Variants in UBE4B observed in about 807,000 individuals in gnomAD.
The protein encoded by UBE4B is ubiquitin conjugation factor E4 B.
A neutral mutation model predicts 148.1 loss-of-function variants in UBE4B; 27 were observed. The observed-to-expected ratio is 0.18, with a 90% CI of 0.13 to 0.25. UBE4B has a LOEUF of 0.25. UBE4B is among the 10% of genes least tolerant of loss of function. The pLI is 1.00. For missense variants in UBE4B, 1,170 were observed against 1,662.4 expected (o/e 0.70, Z 5.15); for synonymous variants, 596 against 619.3 (o/e 0.96, Z 0.56).
At chr1:10,136,816 A>G (rs564104156) in intron 16 of UBE4B, among the ~76,000 whole-genome samples, 7 of 152,152 alleles carry the variant, frequency 4.6e-5, no homozygotes, top group Non-Finnish European at 1.0e-4. Flanking sequence ...CTTACTAGGG[A>G]GGCTGAGGCA....
intron 1 of UBE4B, among the ~76,000 whole-genome samples, chr1:10,052,697 A>G (rs571358344): frequency 1.3e-5 from 2 of 152,296 alleles, no homozygotes; most frequent in Admixed American, 1.3e-4. Context: ...GGCCCTGAAC[A>G]TTCTGTAGCT....
At chr1:10,148,418 G>A (rs1645913624) in intron 19 of UBE4B, among the ~76,000 whole-genome samples, 3 of 151,984 alleles carry the variant, frequency 2.0e-5, no homozygotes, top group Admixed American at 2.0e-4. Flanking sequence ...GATCACTTGA[G>A]GTCAGGAGTT....
intron 19 of UBE4B, among the ~76,000 whole-genome samples, chr1:10,148,394 G>T (rs1013696059): frequency 6.6e-6 from 1 of 152,114 alleles, no homozygotes; most frequent in Non-Finnish European, 1.5e-5. Flanking sequence ...TACTTTGGAA[G>T]GCTGAGGCAG....
intron 25 of UBE4B, among the ~76,000 whole-genome samples, chr1:10,177,954 A>G (rs921145858): frequency 2.0e-5 from 3 of 151,962 alleles, no homozygotes; most frequent in African/African-American, 7.2e-5. Flanking sequence ...TGGTAGAGCC[A>G]GAATTCAAGT....
Position 10,137,180 on chromosome 1 carries a change from C to T in UBE4B, c.2338C>T (p.Leu780Phe). ...LPSCRRYIRR[L>F]RAIRELNRTV... ...TAGTTGCCGTCGCTATATCCGCAGACTCCGGGCTATCCGGGAGCTCAATAG... is the reference window on the plus strand; with the variant it reads ...TAGTTGCCGTCGCTATATCCGCAGATTCCGGGCTATCCGGGAGCTCAATAG... The change falls in exon 17 of 28, where the codon CTC becomes TTC. Residue 780 changes from leucine to phenylalanine, a missense_variant. Coordinates refer to ENST00000343090, the MANE Select transcript of UBE4B (RefSeq NM_001105562.3). 6.2e-7 allele frequency: 1 copy of T among 1,614,160 alleles called. No homozygotes were observed. Among genetic ancestry groups the T allele is most frequent in the Non-Finnish European group, 8.5e-7 (1 of 1,180,030 alleles).
chr1:10,120,763 G>A (rs2101921795), intron 9 of UBE4B, among the ~76,000 whole-genome samples: 1 of 151,202 alleles, frequency 6.6e-6, no homozygotes, highest in South Asian at 2.1e-4. Context: ...GCTTGAACCC[G>A]GGAGGTGGAG....
chr1:10,054,971 A>C (rs2101800827), intron 1 of UBE4B, among the ~76,000 whole-genome samples: 1 of 152,068 alleles, frequency 6.6e-6, no homozygotes, highest in African/African-American at 2.4e-5. Flanking sequence ...TTTTTAATAG[A>C]GATGGGGTTT....
chr1:10,097,362 A>T (rs954660440), intron 3 of UBE4B, among the ~76,000 whole-genome samples: 2 of 152,208 alleles, frequency 1.3e-5, no homozygotes, highest in African/African-American at 4.8e-5. Flanking sequence ...GAAAAAAAAG[A>T]CAACAGGGGT....
chr1:10,078,501 T>A (rs987322564), intron 2 of UBE4B, among the ~76,000 whole-genome samples: 4 of 152,192 alleles, frequency 2.6e-5, no homozygotes, highest in African/African-American at 7.2e-5. Context: ...ACAGTCTAGT[T>A]TTCTTAGTTT....
At chr1:10,134,816 T>G (rs1645651228) in intron 15 of UBE4B, among the ~76,000 whole-genome samples, 172 bp from the exon 16 acceptor site, 1 of 151,546 alleles carries the variant, frequency 6.6e-6, no homozygotes, top group Non-Finnish European at 1.5e-5. Flanking sequence ...CGGATCACTT[T>G]AGGTCCCAGC....
chr1:10,104,348 G>C (rs1212055411), intron 5 of UBE4B, among the ~76,000 whole-genome samples: 1 of 152,174 alleles, frequency 6.6e-6, no homozygotes, highest in Non-Finnish European at 1.5e-5. Flanking sequence ...TTGGAACGCA[G>C]AAGAGGTATG....
At chr1:10,034,879 G>A (rs1193172734) in intron 1 of UBE4B, among the ~76,000 whole-genome samples, 1 of 152,196 alleles carries the variant, frequency 6.6e-6, no homozygotes, top group Non-Finnish European at 1.5e-5. Context: ...CCCATTCGGC[G>A]TTACTTTGTT....
At chr1:10,100,021 G>A (rs187835568) in intron 3 of UBE4B, among the ~76,000 whole-genome samples, 31 of 151,732 alleles carry the variant, frequency 2.0e-4, no homozygotes, top group Admixed American at 8.5e-4. Context: ...ATGGAGTCTC[G>A]CTCTGTCGCC....
Position 10,168,147 on chromosome 1 carries a change from G to A in UBE4B, c.3210G>A (p.Gln1070=). The change falls in exon 24 of 28, where the codon CAG becomes CAA. Residue 1070 remains glutamine, a synonymous_variant. Transcript: ENST00000343090. This position sits in a 1 kb window ranked among gnomAD's most constrained non-coding sequence, Gnocchi z 4.9. ...TCGATGTGTCCTAGGATCAGCAGCA[G>A]GCTCGTCAGTCTCAGCTTGCTCAGG... ...QWDQLPRDQQ[Q]ARQSQLAQDE... The A allele has an allele frequency of 6.2e-7, 1 of 1,614,092 alleles. No homozygotes were observed. Among genetic ancestry groups the A allele is most frequent in the Non-Finnish European group, 8.5e-7 (1 of 1,180,034 alleles).
intron 4 of UBE4B, among the ~76,000 whole-genome samples, chr1:10,101,976 G>GGT (rs35021874): frequency 0.11 from 15,872 of 147,464 alleles, 1,117 homozygotes; most frequent in African/African-American, 0.19. Flanking sequence ...CTGCATTTAG[G>GGT]GTGTGTGTGT....
intron 2 of UBE4B, among the ~76,000 whole-genome samples, chr1:10,075,845 A>G (rs1437007069): frequency 1.3e-5 from 2 of 152,134 alleles, no homozygotes; most frequent in Admixed American, 6.6e-5. Flanking sequence ...TGAGCCTAGG[A>G]GTTCGAGACC....
At chr1:10,099,060 A>G (rs1445140258) in intron 3 of UBE4B, among the ~76,000 whole-genome samples, 1 of 152,088 alleles carries the variant, frequency 6.6e-6, no homozygotes, top group Non-Finnish European at 1.5e-5. Flanking sequence ...CCAACATGGT[A>G]AAACCCTGTT....
chr1:10,049,492 C>T (rs1172383267), intron 1 of UBE4B, among the ~76,000 whole-genome samples: 4 of 152,082 alleles, frequency 2.6e-5, no homozygotes, highest in African/African-American at 9.7e-5. Flanking sequence ...TGCCTGCAAT[C>T]CCTGCTACTT....
intron 3 of UBE4B, among the ~76,000 whole-genome samples, chr1:10,096,831 G>A (rs1163737363): frequency 6.6e-6 from 1 of 152,034 alleles, no homozygotes; most frequent in Non-Finnish European, 1.5e-5. Flanking sequence ...TTGAGGCCAG[G>A]AGTTCAAGAC....
Sources: allele counts gnomAD v4.1 joint callset (sites outside exome capture counted in the v4.1 genomes callset), GRCh38; gene constraint gnomAD v4.1.1; non-coding constraint Gnocchi (gnomAD v3.1); transcripts MANE v1.5; gene names NCBI Gene and HGNC (gene_info 2026-07-23, HGNC 2026-07-21).